The following SLC8A1 variants were observed in gnomAD, a reference collection of about 807,000 sequenced individuals.
The protein encoded by SLC8A1 is sodium/calcium exchanger 1.
SLC8A1 carries 18 observed loss-of-function variants against 68.3 expected under a neutral mutation model. That is an observed-to-expected ratio of 0.26 (90% CI 0.18 to 0.39). The LOEUF (loss-of-function observed/expected upper bound fraction) is 0.39, where lower values mean the gene tolerates loss of function less well. Among genes scored for constraint, SLC8A1 ranks in the 10% least tolerant of loss-of-function variants. The probability of loss-of-function intolerance (pLI) is 1.00; values close to 1 mark genes in which losing one functional copy is unlikely to be tolerated. For missense variants in SLC8A1, 985 were observed against 1,156.7 expected (o/e 0.85, Z 2.15); for synonymous variants, 475 against 415.5 (o/e 1.14, Z -1.74).
intron 2 of SLC8A1, among the ~76,000 whole-genome samples, chr2:40,327,065 G>C (rs1048524268): frequency 6.6e-6 from 1 of 152,118 alleles, no homozygotes; most frequent in Non-Finnish European, 1.5e-5. Context: ...AAAAAGAAAA[G>C]AAACTACTTA....
At chr2:40,113,856 A>G (rs749709221) in exon 8 of SLC8A1, 2 of 152,770 alleles carry the variant, frequency 1.3e-5, no homozygotes. Flanking sequence ...GATGTGTTCC[A>G]CATGGCTAAT....
At chr2:40,163,360 C>G (rs2046012177) in intron 5 of SLC8A1, among the ~76,000 whole-genome samples, 1 of 152,128 alleles carries the variant, frequency 6.6e-6, no homozygotes, top group African/African-American at 2.4e-5. Context: ...ACACAATTCC[C>G]CAGGAGAACC....
chr2:40,504,220 T>C (rs1706225317), intron 1 of SLC8A1, among the ~76,000 whole-genome samples: 1 of 152,022 alleles, frequency 6.6e-6, no homozygotes, highest in Non-Finnish European at 1.5e-5. Context: ...AGACAGTCTC[T>C]TCAGTAAATA....
intron 1 of SLC8A1, among the ~76,000 whole-genome samples, chr2:40,475,294 C>T (rs538829005): frequency 3.9e-5 from 6 of 152,126 alleles, no homozygotes; most frequent in East Asian, 3.9e-4. Flanking sequence ...CCACCTCGCC[C>T]GGCTAATTTT....
chr2:40,336,345 A>T (rs1044491763), intron 2 of SLC8A1, among the ~76,000 whole-genome samples: 8 of 152,208 alleles, frequency 5.3e-5, no homozygotes, highest in African/African-American at 1.9e-4. Flanking sequence ...ATGAATGAAT[A>T]AGGATTTAAC....
intron 2 of SLC8A1, among the ~76,000 whole-genome samples, chr2:40,413,327 C>G (rs1227777850): frequency 6.6e-6 from 1 of 152,080 alleles, no homozygotes; most frequent in Non-Finnish European, 1.5e-5. Context: ...GCACTATTCA[C>G]AATAGCAAAG....
chr2:40,200,200 A>T lies in SLC8A1; in HGVS notation c.1809-22345T>A, dbSNP rs1573959618. ...TATATATATATATATATTTATATAT[A>T]TATATAAATATATATATATTTTTTT... On this transcript the variant is annotated intron_variant, in intron 2 of 7. Transcript: ENST00000406785. 7.0e-4 allele frequency among the ~76,000 whole-genome samples: 8 copies of T among 11,368 alleles called. 2 individuals carry two copies. The South Asian group carries it at 0.014, about 20-fold the overall frequency. The allele number at this position is 11,368 out of a possible 152,430, so 7.5% of individuals were successfully genotyped here. A position where few individuals can be genotyped will look rare whatever the true frequency, so the allele number is the denominator to read the frequency against.
At chr2:40,423,818 T>C (rs1420851584) in intron 2 of SLC8A1, among the ~76,000 whole-genome samples, 1 of 152,026 alleles carries the variant, frequency 6.6e-6, no homozygotes, top group African/African-American at 2.4e-5. Context: ...CTTATTTTTA[T>C]AATAGCTATG....
chr2:40,412,336 C>A (rs536321354), intron 2 of SLC8A1, among the ~76,000 whole-genome samples: 11 of 152,234 alleles, frequency 7.2e-5, no homozygotes, highest in African/African-American at 2.6e-4. Flanking sequence ...TGTTACTTCT[C>A]CTTCCCGAGA....
At chr2:40,475,016 TTTTAAG>T (rs1438582005) in intron 1 of SLC8A1, among the ~76,000 whole-genome samples, 10 of 152,220 alleles carry the variant, frequency 6.6e-5, no homozygotes, top group Non-Finnish European at 1.2e-4. Flanking sequence ...GTCTTCATTG[TTTTAAG>T]TTTAACTTAT....
At chr2:40,241,176 G>T (rs1218106455) in intron 2 of SLC8A1, among the ~76,000 whole-genome samples, 1 of 152,078 alleles carries the variant, frequency 6.6e-6, no homozygotes, top group Admixed American at 6.6e-5. Context: ...CCATAAAAAA[G>T]AACAAAATCA....
chr2:40,120,595 T>G (rs895493661), intron 7 of SLC8A1: 1 of 152,166 alleles, frequency 6.6e-6, no homozygotes, highest in African/African-American at 2.4e-5. Context: ...ATTTTGCTGG[T>G]TTTTTTGATA....
At chr2:40,130,503 G>A (rs1174561389) in intron 7 of SLC8A1, among the ~76,000 whole-genome samples, 4 of 152,276 alleles carry the variant, frequency 2.6e-5, no homozygotes, top group Non-Finnish European at 5.9e-5. Flanking sequence ...GCTGTCCCGT[G>A]CTGCCCGTCT....
chr2:40,507,809 A>G (rs1353824907), intron 1 of SLC8A1, among the ~76,000 whole-genome samples: 1 of 152,034 alleles, frequency 6.6e-6, no homozygotes, highest in Non-Finnish European at 1.5e-5. Context: ...AAATAGTAAA[A>G]CCTTCATACA....
At chr2:40,265,062 T>A (rs1009273413) in intron 2 of SLC8A1, among the ~76,000 whole-genome samples, 5 of 152,172 alleles carry the variant, frequency 3.3e-5, no homozygotes, top group African/African-American at 4.8e-5. Flanking sequence ...ATGTGTTGCT[T>A]CTTGGTGAAA....
At chr2:40,333,526 T>A (rs1252787647) in intron 2 of SLC8A1, among the ~76,000 whole-genome samples, 1 of 152,080 alleles carries the variant, frequency 6.6e-6, no homozygotes, top group Non-Finnish European at 1.5e-5. Flanking sequence ...TAACCAATGT[T>A]ATTGGGGAAA....
chr2:40,429,464 C>T (rs746988272), exon 2 of SLC8A1: 10 of 1,613,830 alleles, frequency 6.2e-6, no homozygotes, highest in South Asian at 1.1e-5. Flanking sequence ...ATAATCATCC[C>T]CCTCTGCTTG....
intron 2 of SLC8A1, among the ~76,000 whole-genome samples, chr2:40,303,475 C>A (rs1043773492): frequency 5.9e-5 from 9 of 152,200 alleles, no homozygotes; most frequent in Non-Finnish European, 1.2e-4. Context: ...CTGGCAAGTA[C>A]AGCCCATGTT....
intron 2 of SLC8A1, among the ~76,000 whole-genome samples, chr2:40,264,747 T>C (rs2065142442): frequency 6.6e-6 from 1 of 152,008 alleles, no homozygotes; most frequent in South Asian, 2.1e-4. Context: ...ATACCTAATG[T>C]TAAATGACGA....
Sources: gnomAD v4.1 joint callset for allele counts (sites outside exome capture counted in the v4.1 genomes callset) on GRCh38, gnomAD v4.1.1 for gene constraint, MANE v1.5 for transcripts, NCBI Gene and HGNC (gene_info 2026-07-23, HGNC 2026-07-21) for gene names.